EFHB: variants seen among roughly 807,000 people sequenced by gnomAD.
EFHB encodes EF-hand domain family member B, also known as EF-hand domain-containing family member B.
A neutral mutation model predicts 87.2 loss-of-function variants in EFHB; 91 were observed. That is an observed-to-expected ratio of 1.04 (90% CI 0.88 to 1.24). The LOEUF is 1.24. Ranked by LOEUF, EFHB falls within the 50% of genes most tolerant of loss-of-function variation. EFHB has a pLI of 0.00. For synonymous variants in EFHB, 325 were observed against 333.6 expected, an observed-to-expected ratio of 0.97 and a Z score of 0.28; for missense variants, 1,084 against 998.8, an observed-to-expected ratio of 1.09 and a Z score of -1.15.
At chr3:19,885,208 G>A (rs1379850320) in intron 10 of EFHB, among the ~76,000 whole-genome samples, 2 of 146,344 alleles carry the variant, frequency 1.4e-5, no homozygotes, top group African/African-American at 5.1e-5. Context: ...GAGGAAAACA[G>A]TGAGACTTCG....
chr3:19,908,598 G>GAGAGAGAGAAAGAAAGAA (rs1694937855), intron 5 of EFHB, among the ~76,000 whole-genome samples: 1 of 77,792 alleles, frequency 1.3e-5, no homozygotes, highest in African/African-American at 5.0e-5. Flanking sequence ...GAGAGAGAGA[G>GAGAGAGAGAAAGAAAGAA]AGAAAGAAAG....
chr3:19,891,228 T>A (rs909460221), intron 9 of EFHB, among the ~76,000 whole-genome samples: 1 of 152,102 alleles, frequency 6.6e-6, no homozygotes, highest in African/African-American at 2.4e-5. Flanking sequence ...TAACTATTTG[T>A]GTTTACTTGT....
intron 1 of EFHB, among the ~76,000 whole-genome samples, chr3:19,939,509 A>T (rs1187335558): frequency 6.7e-6 from 1 of 149,058 alleles, no homozygotes; most frequent in Admixed American, 6.8e-5. Flanking sequence ...CTCAGCCTCT[A>T]GAGTAGCTGG....
At chr3:19,916,196 C>T (rs1319903762) in intron 4 of EFHB, among the ~76,000 whole-genome samples, 2 of 152,134 alleles carry the variant, frequency 1.3e-5, no homozygotes, top group Non-Finnish European at 2.9e-5. Flanking sequence ...TGGAAGCATA[C>T]ACCCTGTGTC....
intron 6 of EFHB, among the ~76,000 whole-genome samples, chr3:19,902,003 A>T (rs913804005): frequency 6.6e-6 from 1 of 152,110 alleles, no homozygotes; most frequent in African/African-American, 2.4e-5. Flanking sequence ...TGCAGAGATG[A>T]TAAGAAAAAG....
chr3:19,901,099 T>C (rs1694655754), intron 6 of EFHB, among the ~76,000 whole-genome samples: 1 of 152,232 alleles, frequency 6.6e-6, no homozygotes, highest in Non-Finnish European at 1.5e-5. Flanking sequence ...TACAGCAATA[T>C]ATAATTATTT....
intron 1 of EFHB, among the ~76,000 whole-genome samples, chr3:19,925,382 T>C (rs1695586369): frequency 6.6e-6 from 1 of 152,128 alleles, no homozygotes; most frequent in Non-Finnish European, 1.5e-5. Context: ...TATATAGATA[T>C]ATCATAAATG....
upstream of EFHB, among the ~76,000 whole-genome samples, chr3:19,935,638 G>C (rs1046221322): frequency 2.6e-5 from 4 of 152,066 alleles, no homozygotes; most frequent in African/African-American, 7.2e-5. Flanking sequence ...TTTAAACCCG[G>C]AGGCAGAGGT....
Position 19,884,461 on chromosome 3 carries a change from GT to G in EFHB, c.2087del (p.Asn696ThrfsTer14), listed in dbSNP as rs746664393. 1 of 1,613,918 alleles carries G rather than the reference GT, an allele frequency of 6.2e-7. No homozygotes were observed. Among genetic ancestry groups the G allele is most frequent in the Non-Finnish European group, 8.5e-7 (1 of 1,179,884 alleles). ...TLLRPSDKVS[N>X]YYKTTSSEIN... Reference sequence around the variant, plus strand: ...TCTCAGAAGAAGTTGTCTTATAGTAGTTGGAAACTTTATCACTTGGTCTCAG... The same window carrying G: ...TCTCAGAAGAAGTTGTCTTATAGTAGTGGAAACTTTATCACTTGGTCTCAG... On this transcript the variant is annotated frameshift_variant, in exon 11 of 13. Transcript: ENST00000295824. LOFTEE classifies it high-confidence loss of function.
intron 1 of EFHB, among the ~76,000 whole-genome samples, chr3:19,922,462 G>A (rs1695468677): frequency 6.6e-6 from 1 of 152,152 alleles, no homozygotes; most frequent in Non-Finnish European, 1.5e-5. Context: ...AAGGGGTTTT[G>A]TAGCCAGAAA....
intron 1 of EFHB, among the ~76,000 whole-genome samples, chr3:19,944,283 G>C (rs1696222974): frequency 6.6e-6 from 1 of 152,218 alleles, no homozygotes. Flanking sequence ...GGGATCCTGT[G>C]AATGGTAGAG....
chr3:19,896,478 C>A, intron 9 of EFHB: 1 of 688,352 alleles, frequency 1.5e-6, no homozygotes. Flanking sequence ...GTTGCTACTA[C>A]CTAACTCTGT....
At chr3:19,902,483 T>A (rs1694706133) in intron 6 of EFHB, among the ~76,000 whole-genome samples, 1 of 152,010 alleles carries the variant, frequency 6.6e-6, no homozygotes, top group African/African-American at 2.4e-5. Flanking sequence ...GCCTCCCAAG[T>A]AGCTGGGACT....
At chr3:19,912,399 CA>C (rs928443406) in intron 5 of EFHB, among the ~76,000 whole-genome samples, 3 of 147,890 alleles carry the variant, frequency 2.0e-5, no homozygotes, top group Admixed American at 6.7e-5. Flanking sequence ...TCTCACAGGC[CA>C]AAAAAAAAGC....
chr3:19,884,562 G>A lies in EFHB; in HGVS notation c.1987C>T (p.Gln663Ter), dbSNP rs767668539. 14 of 1,613,936 alleles carry A rather than the reference G, an allele frequency of 8.7e-6. No homozygotes were observed. The highest frequency in any genetic ancestry group is 1.1e-5 in the Non-Finnish European group (13 of 1,179,878). The change falls in exon 11 of 13, where the codon CAA (glutamine) becomes TAA (stop). Residue 663 changes from glutamine to a stop codon, truncating the protein, a stop_gained. Coordinates refer to ENST00000295824, the MANE Select transcript of EFHB (RefSeq NM_144715.4). LOFTEE classifies it high-confidence loss of function. ...PTEANVEEPE[Q>*]TLLIKPEDIV... ...TCTTCTGGCTTTATGAGGAGAGTTT[G>A]TTCAGGTTCTTCAACATTAGCCTCA...
chr3:19,934,362 C>G, upstream of EFHB: 4 of 790,232 alleles, frequency 5.1e-6, no homozygotes, highest in Non-Finnish European at 6.5e-6. Flanking sequence ...CTCTCTCTCT[C>G]CCCTCTTCTC....
intron 1 of EFHB, among the ~76,000 whole-genome samples, chr3:19,924,300 G>A (rs1466143626): frequency 2.7e-5 from 4 of 147,798 alleles, no homozygotes; most frequent in South Asian, 2.1e-4. Flanking sequence ...TATAACCTCC[G>A]CCTCCCAGGT....
Position 19,879,759 on chromosome 3 carries a change from C to A in EFHB, c.2374G>T (p.Glu792Ter). Reference sequence around the variant, plus strand: ...GCAAGATTCCATACATTTTCAAATTCTTCATCAGACAGTTTGACACCAATG... The same window carrying A: ...GCAAGATTCCATACATTTTCAAATTATTCATCAGACAGTTTGACACCAATG... ...CNIGVKLSDEEFENVWNLASK... is the reference protein window; with the variant it reads ...CNIGVKLSDE Residue 792 changes from glutamate to a stop codon, truncating the protein, a stop_gained, in exon 13 of 13, where the codon GAA becomes TAA. Transcript: ENST00000295824. LOFTEE classifies it high-confidence loss of function. 1 of 1,608,700 alleles carries A rather than the reference C, an allele frequency of 6.2e-7. No individual in the cohort carries two copies.
rs778598032 is a variant in EFHB at position 19,882,743 on chromosome 3, A to G, written c.2147-12T>C. The stretch of plus-strand genomic sequence containing the variant: ...ACAAATGGGGTAACCTAGGTCATTG[A>G]TGAGGGAAGAAAACAGACATTCTAA... On this transcript the variant is annotated splice_polypyrimidine_tract_variant and intron_variant, in intron 11 of 12. Transcript: ENST00000295824. 1 of 1,606,582 alleles carries G rather than the reference A, an allele frequency of 6.2e-7. No homozygotes were observed.
Sources: gnomAD v4.1 joint callset for allele counts (sites outside exome capture counted in the v4.1 genomes callset) on GRCh38, gnomAD v4.1.1 for gene constraint, MANE v1.5 for transcripts, NCBI Gene and HGNC (gene_info 2026-07-23, HGNC 2026-07-21) for gene names.